Variants in CNOT4 observed in about 807,000 individuals in gnomAD.
CNOT4 encodes the protein CCR4-associated factor 4.
A neutral mutation model predicts 73.8 loss-of-function variants in CNOT4; 8 were observed. The ratio of observed to expected loss-of-function variants is 0.11; its 90% CI spans 0.06 to 0.20. CNOT4 has a LOEUF of 0.20. Ranked by LOEUF, CNOT4 falls within the 10% of genes least tolerant of loss-of-function variation. CNOT4 has a pLI of 1.00. For synonymous variants in CNOT4, 293 were observed against 321.1 expected (o/e 0.91, Z 0.94); for missense variants, 564 against 883.4 (o/e 0.64, Z 4.58).
intron 1 of CNOT4, among the ~76,000 whole-genome samples, chr7:135,477,807 G>A (rs1802091387): frequency 6.6e-6 from 1 of 151,950 alleles, no homozygotes; most frequent in Non-Finnish European, 1.5e-5. Flanking sequence ...TTGATTCACT[G>A]AACAATAAAT....
chr7:135,432,666 C>T (rs1343185460), intron 2 of CNOT4, among the ~76,000 whole-genome samples: 1 of 152,112 alleles, frequency 6.6e-6, no homozygotes, highest in Admixed American at 6.5e-5. Flanking sequence ...TCCCATGATT[C>T]TCTGTTCTTT....
At chr7:135,500,386 A>G (rs1803880827) in intron 1 of CNOT4, among the ~76,000 whole-genome samples, 1 of 152,234 alleles carries the variant, frequency 6.6e-6, no homozygotes, top group Non-Finnish European at 1.5e-5. Flanking sequence ...ATTTTCCTTC[A>G]CAAAACAAAG....
intron 10 of CNOT4, among the ~76,000 whole-genome samples, chr7:135,368,957 T>C (rs1162419218): frequency 1.3e-5 from 2 of 152,168 alleles, no homozygotes; most frequent in African/African-American, 2.4e-5. Flanking sequence ...AAACTATAAA[T>C]AGCAAAATGT....
intron 1 of CNOT4, among the ~76,000 whole-genome samples, chr7:135,492,728 T>C (rs1803197035): frequency 6.6e-6 from 1 of 152,070 alleles, no homozygotes; most frequent in African/African-American, 2.4e-5. Flanking sequence ...GGCCAGGAGT[T>C]TCAGACCAGA....
intron 1 of CNOT4, among the ~76,000 whole-genome samples, chr7:135,491,338 T>G (rs1585727202): frequency 6.6e-6 from 1 of 152,186 alleles, no homozygotes; most frequent in African/African-American, 2.4e-5. Context: ...CCTTGGGATA[T>G]TCCAATGTTT....
rs1563088704 is a variant in CNOT4 at position 135,504,476 on chromosome 7, T to TA, written c.-93+5412_-93+5413insT. ...ACATCCGGCTAATTTTTTTTTTTTT[T>TA]TTTTTTTTTTTTTATTTTTATTTTT... On this transcript the variant is annotated intron_variant, in intron 1 of 11. Coordinates refer to ENST00000541284, the MANE Select transcript of CNOT4 (RefSeq NM_001190850.2). Among the ~76,000 whole-genome samples the TA allele has an allele frequency of 2.4e-3, 132 of 54,262 alleles. 13 individuals carry two copies. Among genetic ancestry groups the TA allele is most frequent in the African/African-American group, 0.011 (115 of 10,526 alleles). 35.6% of individuals were successfully genotyped at this position (54,262 alleles called of 152,430 possible).
chr7:135,388,560 G>T (rs1554425585), intron 10 of CNOT4: 1 of 1,109,740 alleles, frequency 9.0e-7, no homozygotes, highest in Non-Finnish European at 1.1e-6. Context: ...GTTAGAAATA[G>T]TATCACTCAT....
chr7:135,380,136 A>C (rs1399297430), intron 10 of CNOT4, among the ~76,000 whole-genome samples: 1 of 152,154 alleles, frequency 6.6e-6, no homozygotes, highest in Non-Finnish European at 1.5e-5. Flanking sequence ...AAAAAAAAAA[A>C]ACAAAAAAAC....
chr7:135,428,830 C>G (rs1216437604), intron 2 of CNOT4, among the ~76,000 whole-genome samples: 1 of 152,078 alleles, frequency 6.6e-6, no homozygotes, highest in Non-Finnish European at 1.5e-5. Flanking sequence ...TTCACCAGCC[C>G]ACAGATTTAA....
intron 1 of CNOT4, chr7:135,444,563 C>G: frequency 7.4e-7 from 1 of 1,359,190 alleles, no homozygotes; most frequent in Non-Finnish European, 1.1e-6. Flanking sequence ...TTCTTCAGGA[C>G]CGACCTATCC....
chr7:135,388,745 T>A (rs1796248215), intron 10 of CNOT4: 2 of 1,576,854 alleles, frequency 1.3e-6, no homozygotes, highest in Non-Finnish European at 1.7e-6. Flanking sequence ...AAAATCCAGT[T>A]GCCCATGCAA....
chr7:135,484,848 A>G (rs956682543), intron 1 of CNOT4, among the ~76,000 whole-genome samples: 1 of 152,174 alleles, frequency 6.6e-6, no homozygotes, highest in Non-Finnish European at 1.5e-5. Flanking sequence ...TGCTATTCAC[A>G]ATTGCTCCAA....
Position 135,394,741 on chromosome 7 carries a change from A to G in CNOT4, c.1130-326T>C, listed in dbSNP as rs111923289. ...AACCTAAGTCACTTCCATCAAATAAATATAACAGATTTTAATTAGTAAAGT... is the reference window on the plus strand; with the variant it reads ...AACCTAAGTCACTTCCATCAAATAAGTATAACAGATTTTAATTAGTAAAGT... On this transcript the variant is annotated intron_variant, in intron 9 of 11. Transcript: ENST00000541284. Among the ~76,000 whole-genome samples the G allele has an allele frequency of 2.6e-5, 4 of 152,326 alleles. 1 individual carries two copies. The highest frequency in any genetic ancestry group is 9.6e-5 in the African/African-American group (4 of 41,578).
intron 1 of CNOT4, among the ~76,000 whole-genome samples, chr7:135,459,773 C>G (rs192784050): frequency 7.7e-4 from 118 of 152,290 alleles, no homozygotes; most frequent in African/African-American, 2.7e-3. Flanking sequence ...TAAGAGTCAG[C>G]CTATCCTTTG....
At chr7:135,446,539 C>T (rs1799842031) in intron 1 of CNOT4, among the ~76,000 whole-genome samples, 2 of 151,962 alleles carry the variant, frequency 1.3e-5, no homozygotes, top group South Asian at 4.2e-4. Context: ...TTAATTAACC[C>T]TTTAATTTTT....
At chr7:135,470,838 G>C (rs538067080) in intron 1 of CNOT4, among the ~76,000 whole-genome samples, 1 of 152,160 alleles carries the variant, frequency 6.6e-6, no homozygotes, top group Non-Finnish European at 1.5e-5. Flanking sequence ...GTATTGAGTA[G>C]GAAGGAGTAT....
intron 1 of CNOT4, among the ~76,000 whole-genome samples, chr7:135,506,603 C>A (rs1049936094): frequency 6.6e-6 from 1 of 151,800 alleles, no homozygotes; most frequent in African/African-American, 2.4e-5. Context: ...TAATCCCAAC[C>A]CTTTGGGAGG....
chr7:135,385,193 C>A (rs2129483047), intron 10 of CNOT4, among the ~76,000 whole-genome samples: 1 of 152,290 alleles, frequency 6.6e-6, no homozygotes, highest in African/African-American at 2.4e-5. Flanking sequence ...TTGCTAAGAA[C>A]CTATAGTTCT....
chr7:135,483,059 G>A (rs143435796), intron 1 of CNOT4, among the ~76,000 whole-genome samples: 1,695 of 150,554 alleles, frequency 0.011, 9 homozygotes, highest in Non-Finnish European at 0.018. Context: ...TCTAGTCTGT[G>A]AACAGTGGCT....
Sources: gnomAD v4.1 joint callset for allele counts (sites outside exome capture counted in the v4.1 genomes callset) on GRCh38, gnomAD v4.1.1 for gene constraint, MANE v1.5 for transcripts, NCBI Gene and HGNC (gene_info 2026-07-23, HGNC 2026-07-21) for gene names.